IL5RA: variants seen among roughly 807,000 people sequenced by gnomAD.
IL5RA encodes the protein interleukin-5 receptor subunit alpha.
In IL5RA, 49 loss-of-function variants were observed where a neutral mutation model predicts 50.0. The observed-to-expected ratio is 0.98, with a 90% CI of 0.78 to 1.24. The LOEUF is 1.24. Ranked by LOEUF, IL5RA falls within the 50% of genes most tolerant of loss-of-function variation. The pLI is 0.00. For missense variants in IL5RA, 600 were observed against 500.4 expected (o/e 1.20, Z -1.90); for synonymous variants, 202 against 174.0 (o/e 1.16, Z -1.26).
chr3:3,072,373 C>T (rs988177694), intron 11 of IL5RA, among the ~76,000 whole-genome samples: 12 of 152,226 alleles, frequency 7.9e-5, no homozygotes, highest in African/African-American at 1.4e-4. Context: ...AGAAGCCAGG[C>T]GCTGTGGAGT....
In IL5RA at chr3:3,107,249, A is replaced by ATT. The variant is rs5846243; in HGVS notation, c.-4+1299_-4+1300dup. Among the ~76,000 whole-genome samples the ATT allele has an allele frequency of 7.5e-3, 1,112 of 148,498 alleles. 7 individuals carry two copies. Among genetic ancestry groups the ATT allele is most frequent in the Admixed American group, 0.012 (182 of 14,878 alleles). On this transcript the variant is annotated intron_variant, in intron 2 of 11. Coordinates refer to ENST00000446632, the MANE Select transcript of IL5RA (RefSeq NM_175726.4). Reference sequence around the variant, plus strand: ...GGGTCTAAATATTAAAAAGAATGACATTTTTTTTTTTTTGTGAGTCAGATA... The same window carrying ATT: ...GGGTCTAAATATTAAAAAGAATGACATTTTTTTTTTTTTTTGTGAGTCAGATA...
intron 9 of IL5RA, among the ~76,000 whole-genome samples, chr3:3,089,176 A>G (rs936401092): frequency 6.6e-6 from 1 of 152,164 alleles, no homozygotes; most frequent in Non-Finnish European, 1.5e-5. Context: ...GTGTCCTTTC[A>G]GTTCCCTCTC....
chr3:3,099,365 G>T (rs990696857), intron 5 of IL5RA, among the ~76,000 whole-genome samples: 7 of 152,116 alleles, frequency 4.6e-5, no homozygotes, highest in Non-Finnish European at 5.9e-5. Flanking sequence ...GTGGTGGCAT[G>T]CACCTGTAGT....
Position 3,067,857 on chromosome 3 carries a change from A to G in IL5RA, c.*2368T>C, listed in dbSNP as rs1702172401. On this transcript the variant is annotated 3_prime_UTR_variant, in exon 12 of 12. Coordinates refer to ENST00000446632, the MANE Select transcript of IL5RA (RefSeq NM_175726.4). The stretch of plus-strand genomic sequence containing the variant: ...AGGAGTCTGAAGTGGGCACCACACC[A>G]AGCACTGAAGAGCTGGCCACATTTG... 6.6e-6 allele frequency: 1 copy of G among 152,244 alleles called. No homozygotes were observed. The highest frequency in any genetic ancestry group is 2.4e-5 in the African/African-American group (1 of 41,440). The allele number at this position is 152,244 out of a possible 1,614,324, so 9.4% of individuals were successfully genotyped here.
chr3:3,079,127 T>A (rs968971121), intron 9 of IL5RA, among the ~76,000 whole-genome samples: 11 of 152,162 alleles, frequency 7.2e-5, no homozygotes, highest in Non-Finnish European at 1.5e-4. Flanking sequence ...TTTGCTATTT[T>A]CCACTGTGGC....
At chr3:3,077,116 G>A (rs1242693431) in intron 9 of IL5RA, among the ~76,000 whole-genome samples, 1 of 152,176 alleles carries the variant, frequency 6.6e-6, no homozygotes, top group African/African-American at 2.4e-5. Context: ...AAAGGCATCA[G>A]ACTCCAAGTG....
intron 9 of IL5RA, among the ~76,000 whole-genome samples, chr3:3,080,036 A>G (rs1028272679): frequency 2.0e-5 from 3 of 152,168 alleles, no homozygotes; most frequent in African/African-American, 7.2e-5. Context: ...TGTCTCGAAA[A>G]AAAAGAAAAG....
chr3:3,071,598 T>TGTGTG (rs1491222432), intron 11 of IL5RA, among the ~76,000 whole-genome samples: 4 of 127,484 alleles, frequency 3.1e-5, no homozygotes, highest in East Asian at 2.4e-4. Context: ...TGTGTGTGTA[T>TGTGTG]TTTTTTTTTT....
In IL5RA at chr3:3,092,178, G is replaced by T; in HGVS notation, c.994+46C>A. On this transcript the variant is annotated intron_variant, in intron 9 of 11. Coordinates refer to ENST00000446632, the MANE Select transcript of IL5RA (RefSeq NM_175726.4). This position sits in a 1 kb window ranked among gnomAD's most constrained non-coding sequence, Gnocchi z 4.2. The stretch of plus-strand genomic sequence containing the variant: ...GTACGTTTCTGGGATTACCTTTTTT[G>T]ATCACAAGGAAGGCTGCCAATGTAA... 1 of 1,591,574 alleles carries T rather than the reference G, an allele frequency of 6.3e-7. No individual in the cohort carries two copies. The highest frequency in any genetic ancestry group is 1.1e-5 in the South Asian group (1 of 87,444).
Position 3,081,929 on chromosome 3 carries a change from C to T in IL5RA, c.995-5302G>A, listed in dbSNP as rs548317178. Among the ~76,000 whole-genome samples the T allele has an allele frequency of 2.9e-4, 44 of 152,244 alleles. 1 individual carries two copies. The highest frequency in any genetic ancestry group is 1.0e-3 in the African/African-American group (42 of 41,546). On this transcript the variant is annotated intron_variant, in intron 9 of 11. Coordinates refer to ENST00000446632, the MANE Select transcript of IL5RA (RefSeq NM_175726.4). ...ATAGCTAGTTGAAAACAGAACTAAC[C>T]CCTGAAAACACAACCAAGGTCGGCT...
intron 9 of IL5RA, among the ~76,000 whole-genome samples, chr3:3,078,157 A>G (rs1394709870): frequency 6.6e-6 from 1 of 152,212 alleles, no homozygotes; most frequent in Non-Finnish European, 1.5e-5. Flanking sequence ...CACCAGGAGA[A>G]AAGGTTACCA....
intron 8 of IL5RA, among the ~76,000 whole-genome samples, chr3:3,093,963 G>A (rs377126154): frequency 4.6e-5 from 7 of 152,234 alleles, no homozygotes; most frequent in African/African-American, 1.7e-4. Context: ...TATAAAATGG[G>A]AATGGTAATT....
rs1702196953 is a variant in IL5RA, at chr3:3,068,586, A to AC, written c.*1638dup. 1.6e-5 allele frequency: 1 copy of AC among 62,430 alleles called. No individual in the cohort carries two copies. Among genetic ancestry groups the AC allele is most frequent in the Admixed American group, 1.5e-4 (1 of 6,482 alleles). The allele number at this position is 62,430 out of a possible 1,614,324, so 3.9% of individuals were successfully genotyped here. On this transcript the variant is annotated 3_prime_UTR_variant, in exon 12 of 12. Coordinates refer to ENST00000446632, the MANE Select transcript of IL5RA (RefSeq NM_175726.4). ...CAAGACTGTCTCCACCACCCACCCC[A>AC]CAAAAAAAAAAAAAAAAAAAAACAA...
At chr3:3,083,389 C>A (rs1702735034) in intron 9 of IL5RA, among the ~76,000 whole-genome samples, 1 of 152,168 alleles carries the variant, frequency 6.6e-6, no homozygotes, top group South Asian at 2.1e-4. Context: ...CTTGCATTAA[C>A]CGAATAGAGA....
rs373831081 is a variant in IL5RA, at chr3:3,079,699, C to T, written c.995-3072G>A. Reference sequence around the variant, plus strand: ...ACTCACTCAGTTGAGGGTACTGTCACTTCATGTACACATACCTTTAATAAA... The same window carrying T: ...ACTCACTCAGTTGAGGGTACTGTCATTTCATGTACACATACCTTTAATAAA... On this transcript the variant is annotated intron_variant, in intron 9 of 11. Coordinates refer to ENST00000446632, the MANE Select transcript of IL5RA (RefSeq NM_175726.4). Among the ~76,000 whole-genome samples the T allele has an allele frequency of 9.2e-5, 14 of 152,210 alleles. No individual in the cohort carries two copies. The East Asian group carries it at 2.5e-3, about 27-fold the overall frequency.
chr3:3,090,270 A>G (rs535999218), intron 9 of IL5RA: 1 of 1,561,144 alleles, frequency 6.4e-7, no homozygotes, highest in Admixed American at 1.8e-5. Flanking sequence ...GGAAACAGAG[A>G]GAAATTATTT....
chr3:3,098,293 A>G lies in IL5RA; in HGVS notation c.368-3T>C. The G allele has an allele frequency of 1.2e-6, 2 of 1,613,230 alleles. No individual in the cohort carries two copies. The highest frequency in any genetic ancestry group is 2.2e-5 in the East Asian group (1 of 44,886). ...CACAATTGAGGTTCCAGGAGACCCT[A>G]GGTAGTCAAAAGTAAAAAGGACAAA... is the stretch of plus-strand genomic sequence containing the variant. On this transcript the variant is annotated splice_polypyrimidine_tract_variant and splice_region_variant and intron_variant, in intron 5 of 11. Transcript: ENST00000446632.
intron 2 of IL5RA, among the ~76,000 whole-genome samples, chr3:3,108,156 A>G (rs978173443): frequency 6.6e-6 from 1 of 152,212 alleles, no homozygotes; most frequent in African/African-American, 2.4e-5. Flanking sequence ...AATCAGCAAT[A>G]AAAGTTATCT....
rs17881891 is a variant in IL5RA, at chr3:3,098,926, C to T, written c.368-636G>A. ...GTCCGGCAACTTTGGTGCTCTAATG[C>T]CACATTTGTTAATAACTAGCTGTGA... On this transcript the variant is annotated intron_variant, in intron 5 of 11. Coordinates refer to ENST00000446632, the MANE Select transcript of IL5RA (RefSeq NM_175726.4). Among the ~76,000 whole-genome samples, 489 of 152,222 alleles carry T rather than the reference C, an allele frequency of 3.2e-3. 1 individual carries two copies. Among genetic ancestry groups the T allele is most frequent in the African/African-American group, 0.011 (461 of 41,520 alleles).
Sources: gnomAD v4.1 joint callset for allele counts (sites outside exome capture counted in the v4.1 genomes callset) on GRCh38, gnomAD v4.1.1 for gene constraint, Gnocchi (gnomAD v3.1) non-coding constraint, MANE v1.5 for transcripts, NCBI Gene and HGNC (gene_info 2026-07-23, HGNC 2026-07-21) for gene names.